SPTBN4: variants seen among roughly 807,000 people sequenced by gnomAD.
SPTBN4 encodes spectrin beta chain, non-erythrocytic 4.
A neutral mutation model predicts 277.8 loss-of-function variants in SPTBN4; 96 were observed. The ratio of observed to expected loss-of-function variants is 0.35; its 90% CI spans 0.29 to 0.41. The LOEUF (loss-of-function observed/expected upper bound fraction) is 0.41. Ranked by LOEUF, SPTBN4 falls within the 10% of genes least tolerant of loss-of-function variation. The pLI, the probability that SPTBN4 is intolerant of heterozygous loss-of-function variation, is 1.00. For missense variants in SPTBN4, 3,006 were observed against 3,595.7 expected (o/e 0.84, Z 4.19); for synonymous variants, 1,481 against 1,580.3 (o/e 0.94, Z 1.49).
Position 40,519,455 on chromosome 19 carries a change from G to C in SPTBN4, c.2958G>C (p.Val986=). The C allele has an allele frequency of 6.2e-7, 1 of 1,606,712 alleles. No homozygotes were observed. Among genetic ancestry groups the C allele is most frequent in the Non-Finnish European group, 8.5e-7 (1 of 1,177,672 alleles). Residue 986 remains valine (V), a synonymous_variant, in exon 16 of 36, where the codon GTG becomes GTC. Coordinates refer to ENST00000598249, the MANE Select transcript of SPTBN4 (RefSeq NM_020971.3). This position sits in a 1 kb window ranked among gnomAD's most constrained non-coding sequence, Gnocchi z 5.7. ...VEQRKEEMSA[V]LLVENHVLEV... ...AGCGCAAAGAGGAAATGAGCGCGGT[G>C]CTGCTGGTGGAGAACCACGTGCTGG... is the stretch of plus-strand genomic sequence containing the variant.
intron 2 of SPTBN4, among the ~76,000 whole-genome samples, chr19:40,473,653 G>A (rs537602367): frequency 1.3e-5 from 2 of 151,510 alleles, no homozygotes; most frequent in African/African-American, 4.8e-5. Flanking sequence ...CACGGCACCC[G>A]GCCTGTTTTA....
chr19:40,563,000 A>G (rs1270018151), intron 27 of SPTBN4, among the ~76,000 whole-genome samples: 2 of 152,176 alleles, frequency 1.3e-5, no homozygotes, highest in East Asian at 3.9e-4. Flanking sequence ...ACTTGAGGCC[A>G]GGAGTTTGAG....
rs1241870496 is a variant in SPTBN4 at position 40,575,599 on chromosome 19, G to C, written c.*30G>C. The C allele has an allele frequency of 1.3e-6, 2 of 1,592,554 alleles. No individual in the cohort carries two copies. The highest frequency in any genetic ancestry group is 1.7e-5 in the Admixed American group (1 of 58,654). On this transcript the variant is annotated 3_prime_UTR_variant, in exon 36 of 36. Transcript: ENST00000598249. ...CCACCCCCAGGACCTGACACATCTC[G>C]TCTCCCCTCTTTTCCGCACTGTGGG...
In SPTBN4 at chr19:40,503,920, G is replaced by T. The variant is rs748509291; in HGVS notation, c.1453G>T (p.Val485Leu). 2 of 1,613,886 alleles carry T rather than the reference G, an allele frequency of 1.2e-6. No individual in the cohort carries two copies. Among genetic ancestry groups the T allele is most frequent in the Non-Finnish European group, 1.7e-6 (2 of 1,179,916 alleles). ...EADIAAYEER[V>L]QGVAELAQAL... ...AGACATTGCGGCCTACGAGGAGCGG[G>T]TGCAGGGTGTGGCGGAGCTGGCCCA... The change falls in exon 12 of 36, where the codon GTG becomes TTG. Residue 485 changes from valine (V) to leucine (L), a missense_variant. By Grantham distance (32) the Val-to-Leu change is conservative. Coordinates refer to ENST00000598249, the MANE Select transcript of SPTBN4 (RefSeq NM_020971.3).
Position 40,575,512 on chromosome 19 carries a change from T to G in SPTBN4, c.7638T>G (p.Asp2546Glu), listed in dbSNP as rs1395397980. The part of the protein sequence containing the change: ...GQTLPTTSST[D>E]EGNPKREGGD... Reference sequence around the variant, plus strand: ...CACTACCCACTACTTCATCCACAGATGAGGGCAACCCTAAGAGGGAAGGCG... The same window carrying G: ...CACTACCCACTACTTCATCCACAGAGGAGGGCAACCCTAAGAGGGAAGGCG... Residue 2546 changes from aspartate to glutamate, a missense_variant, in exon 36 of 36, where the codon GAT (aspartate) becomes GAG (glutamate). Physicochemically the swap from Asp to Glu is conservative, Grantham distance 45 (BLOSUM62 2). Around this residue, in one of 5 missense-constraint regions of SPTBN4, gnomAD observed 630 missense variants for 677.6 expected, o/e 0.93. Coordinates refer to ENST00000598249, the MANE Select transcript of SPTBN4 (RefSeq NM_020971.3). 6.2e-6 allele frequency: 10 copies of G among 1,613,360 alleles called. No individual in the cohort carries two copies. Among genetic ancestry groups the G allele is most frequent in the South Asian group, 2.2e-5 (2 of 90,950 alleles).
At chr19:40,508,824 T>C (rs189295293) in intron 13 of SPTBN4, among the ~76,000 whole-genome samples, 142 of 151,932 alleles carry the variant, frequency 9.3e-4, no homozygotes, top group African/African-American at 3.3e-3. Flanking sequence ...GACTAGGTGA[T>C]TGGGGGTCTT....
intron 6 of SPTBN4, among the ~76,000 whole-genome samples, chr19:40,495,856 G>A (rs1418643164): frequency 6.6e-6 from 1 of 152,022 alleles, no homozygotes; most frequent in Non-Finnish European, 1.5e-5. Flanking sequence ...GGCGCAGGAA[G>A]GGGCTTGTGG....
chr19:40,501,668 TA>T (rs58954118), intron 7 of SPTBN4, among the ~76,000 whole-genome samples: 3,440 of 144,414 alleles, frequency 0.024, 122 homozygotes, highest in African/African-American at 0.079. Context: ...AATTCCATCT[TA>T]AAAAAAAAAA....
chr19:40,526,615 T>G (rs1335618857), intron 17 of SPTBN4, among the ~76,000 whole-genome samples: 2 of 152,102 alleles, frequency 1.3e-5, no homozygotes, highest in East Asian at 3.9e-4. Flanking sequence ...GACAGGGTCT[T>G]GCTTTGTTGC....
intron 20 of SPTBN4, among the ~76,000 whole-genome samples, chr19:40,541,109 C>G (rs887061433): frequency 6.6e-6 from 1 of 152,140 alleles, no homozygotes; most frequent in Admixed American, 6.6e-5. Context: ...ATGCTACTGG[C>G]GAGCTTGACC....
At position 40,554,574 on chromosome 19, in the gene SPTBN4, A is replaced by T. The variant is rs1340963163; in HGVS notation, c.5012A>T (p.Glu1671Val). 6.5e-7 allele frequency: 1 copy of T among 1,530,506 alleles called. No homozygotes were observed. The highest frequency in any genetic ancestry group is 8.8e-7 in the Non-Finnish European group (1 of 1,136,498). The allele number at this position is 1,530,506 out of a possible 1,614,324, so 94.8% of individuals were successfully genotyped here. Residue 1671 changes from glutamate to valine, a missense_variant, in exon 24 of 36, where the codon GAG becomes GTG. This residue lies in a region of SPTBN4 where 425 missense variants were observed against 594.7 expected (regional missense o/e 0.71). Coordinates refer to ENST00000598249, the MANE Select transcript of SPTBN4 (RefSeq NM_020971.3). The surrounding 1 kb of genome is among the most constrained non-coding windows in gnomAD (Gnocchi z 5.7). ...CACCTGCAGCTGGAGCAAGGCGTGG[A>T]GAACTACGAGGAAAGCATCGCGCAG... is the stretch of plus-strand genomic sequence containing the variant. ...KKHLQLEQGV[E>V]NYEESIAQLS...
At chr19:40,566,828 G>A (rs2081096692) in intron 30 of SPTBN4, among the ~76,000 whole-genome samples, 1 of 151,984 alleles carries the variant, frequency 6.6e-6, no homozygotes, top group African/African-American at 2.4e-5. Context: ...AGCTGGGCGT[G>A]GTGGTGCACG....
rs1368635926 is a variant in SPTBN4, at chr19:40,513,036, G to A, written c.2247G>A (p.Ala749=). 1.4e-6 allele frequency: 2 copies of A among 1,420,968 alleles called. No individual in the cohort carries two copies. Among genetic ancestry groups the A allele is most frequent in the Non-Finnish European group, 1.8e-6 (2 of 1,094,616 alleles). 88.0% of individuals were successfully genotyped at this position (1,420,968 alleles called of 1,614,324 possible). A position where few individuals can be genotyped will look rare whatever the true frequency, so the allele number is the denominator to read the frequency against. The change falls in exon 14 of 36, where the codon GCG becomes GCA. Residue 749 remains alanine, a synonymous_variant. Transcript: ENST00000598249. ...VHLVGLAERA[A]SARRRWQRLE... is the part of the protein sequence containing the mutation. ...TGGTAGGCCTGGCGGAGCGCGCGGC[G>A]AGCGCCCGGCGCCGCTGGCAGAGGC...
chr19:40,500,197 CA>C (rs1411065543), intron 7 of SPTBN4, among the ~76,000 whole-genome samples: 1 of 151,836 alleles, frequency 6.6e-6, no homozygotes, highest in Non-Finnish European at 1.5e-5. Context: ...ACTCAAAAAG[CA>C]AAAAACAACA....
intron 2 of SPTBN4, among the ~76,000 whole-genome samples, chr19:40,485,974 G>T (rs565003907): frequency 2.8e-5 from 4 of 141,524 alleles, no homozygotes; most frequent in Non-Finnish European, 6.0e-5. Context: ...CACTAGGATG[G>T]CCATAAAAAA....
intron 2 of SPTBN4, among the ~76,000 whole-genome samples, chr19:40,476,302 G>A (rs995295476): frequency 6.7e-6 from 1 of 148,550 alleles, no homozygotes; most frequent in African/African-American, 2.5e-5. Flanking sequence ...CCTAGATCGT[G>A]CCATTGTACT....
At chr19:40,563,064 G>T (rs1267435019) in intron 27 of SPTBN4, among the ~76,000 whole-genome samples, 1 of 151,526 alleles carries the variant, frequency 6.6e-6, no homozygotes, top group Non-Finnish European at 1.5e-5. Context: ...AAAAAAATTA[G>T]TCAAGCATGG....
At chr19:40,494,763 C>A in intron 5 of SPTBN4, 134 bp from the exon 6 acceptor site, 1 of 730,142 alleles carries the variant, frequency 1.4e-6, no homozygotes, top group Non-Finnish European at 2.3e-6. Flanking sequence ...CCCACCCATC[C>A]ATCCATCTTT....
intron 29 of SPTBN4, 140 bp from the exon 30 acceptor site, chr19:40,566,023 C>T: frequency 1.1e-6 from 1 of 892,772 alleles, no homozygotes; most frequent in Non-Finnish European, 1.7e-6. Context: ...GCCCCAGCCT[C>T]TGCCATTCCT....
Sources: allele counts gnomAD v4.1 joint callset (sites outside exome capture counted in the v4.1 genomes callset), GRCh38; gene constraint gnomAD v4.1.1; regional missense constraint gnomAD v4.1.1; non-coding constraint Gnocchi (gnomAD v3.1); transcripts MANE v1.5; gene names NCBI Gene and HGNC (gene_info 2026-07-23, HGNC 2026-07-21).